NUBPL: variants seen among roughly 807,000 people sequenced by gnomAD.
NUBPL encodes the protein iron-sulfur cluster transfer protein NUBPL.
A neutral mutation model predicts 45.7 loss-of-function variants in NUBPL; 31 were observed. The observed-to-expected ratio is 0.68, with a 90% CI of 0.51 to 0.92. NUBPL has a LOEUF of 0.92. Ranked by LOEUF, NUBPL falls within the 40% of genes least tolerant of loss-of-function variation. The pLI, the probability that NUBPL is intolerant of heterozygous loss-of-function variation, is 0.00. For missense variants in NUBPL, 401 were observed against 398.7 expected (o/e 1.01, Z -0.05); for synonymous variants, 144 against 140.9 (o/e 1.02, Z -0.15).
chr14:31,799,484 C>T (rs931909316), intron 7 of NUBPL, among the ~76,000 whole-genome samples: 6 of 152,080 alleles, frequency 3.9e-5, no homozygotes, highest in Admixed American at 3.9e-4. Context: ...GGATAACAAC[C>T]TCATTACAGG....
At chr14:31,841,917 CTTTTTTTTTTTTTTTT>C (rs547795007) in intron 8 of NUBPL, among the ~76,000 whole-genome samples, 61 of 43,054 alleles carry the variant, frequency 1.4e-3, no homozygotes, top group African/African-American at 5.0e-3. Context: ...CGATTCTGGG[CTTTTTTTTTTTTTTTT>C]TTTTTTTTTT....
intron 6 of NUBPL, among the ~76,000 whole-genome samples, chr14:31,755,124 A>G (rs1485881795): frequency 1.3e-5 from 2 of 151,614 alleles, no homozygotes; most frequent in South Asian, 2.1e-4. Flanking sequence ...TTGGTTCCAA[A>G]TCTTTGCTAT....
intron 7 of NUBPL, among the ~76,000 whole-genome samples, chr14:31,802,693 A>T (rs1472524445): frequency 6.6e-6 from 1 of 152,174 alleles, no homozygotes; most frequent in Non-Finnish European, 1.5e-5. Flanking sequence ...TATTTTCCTT[A>T]TAAATTAATT....
chr14:31,790,994 T>C (rs113719254), intron 7 of NUBPL, among the ~76,000 whole-genome samples: 4 of 152,072 alleles, frequency 2.6e-5, no homozygotes, highest in Admixed American at 6.6e-5. Flanking sequence ...TAATGCCAGA[T>C]GTAGTGGCTC....
Position 31,787,661 on chromosome 14 carries a change from T to G in NUBPL, c.514-119T>G, listed in dbSNP as rs1159625977. The G allele has an allele frequency of 9.7e-6, 7 of 718,140 alleles. No homozygotes were observed. In the Admixed American group the frequency reaches 1.4e-4, roughly 15 times the overall value. The allele number at this position is 718,140 out of a possible 1,614,324, so 44.5% of individuals were successfully genotyped here. A position where few individuals can be genotyped will look rare whatever the true frequency, so the allele number is the denominator to read the frequency against. Reference sequence around the variant, plus strand: ...AGGACTCAGCACAGTGCCTTGTACCTAGCAATGGCTCAAGCGATAGCTATG... The same window carrying G: ...AGGACTCAGCACAGTGCCTTGTACCGAGCAATGGCTCAAGCGATAGCTATG... On this transcript the variant is annotated intron_variant, in intron 6 of 10. Transcript: ENST00000281081.
At chr14:31,822,896 G>C (rs1227008378) in intron 7 of NUBPL, among the ~76,000 whole-genome samples, 1 of 152,104 alleles carries the variant, frequency 6.6e-6, no homozygotes, top group African/African-American at 2.4e-5. Flanking sequence ...TTGTGCTACT[G>C]TGTTAGGGTT....
chr14:31,627,917 A>G (rs945298408), intron 4 of NUBPL, among the ~76,000 whole-genome samples: 2 of 152,234 alleles, frequency 1.3e-5, no homozygotes, highest in African/African-American at 4.8e-5. Context: ...AATGTGAATA[A>G]CATTTTAATG....
chr14:31,714,306 A>T (rs10137049), intron 6 of NUBPL, among the ~76,000 whole-genome samples: 5,523 of 152,238 alleles, frequency 0.036, 132 homozygotes, highest in African/African-American at 0.076. Context: ...GCCTTTGATG[A>T]TATCTCTGAG....
chr14:31,675,106 C>T (rs2036662779), intron 6 of NUBPL, among the ~76,000 whole-genome samples: 1 of 148,480 alleles, frequency 6.7e-6, no homozygotes, highest in Non-Finnish European at 1.5e-5. Context: ...CACTGCACTC[C>T]AGCCTGGGTG....
chr14:31,561,601 G>A, intron 1 of NUBPL, 54 bp downstream of exon 1: 1 of 1,144,456 alleles, frequency 8.7e-7, no homozygotes, highest in African/African-American at 1.6e-5. Context: ...TGGGCTGCAG[G>A]GCCGCAGATG....
chr14:31,816,695 C>T (rs1010119897), intron 7 of NUBPL, among the ~76,000 whole-genome samples: 1 of 152,164 alleles, frequency 6.6e-6, no homozygotes, highest in Non-Finnish European at 1.5e-5. Flanking sequence ...CTAAACACCA[C>T]TTTAGCTGTG....
intron 4 of NUBPL, among the ~76,000 whole-genome samples, chr14:31,652,835 G>T (rs2378934): frequency 0.16 from 25,032 of 152,016 alleles, 5,903 homozygotes; most frequent in African/African-American, 0.53. Context: ...ATTGTGTATC[G>T]GGGGAACTCA....
At chr14:31,834,250 G>A (rs1377979956) in intron 8 of NUBPL, among the ~76,000 whole-genome samples, 6 of 130,200 alleles carry the variant, frequency 4.6e-5, no homozygotes, top group South Asian at 2.4e-4. Flanking sequence ...GTGTAATCTT[G>A]GCTCACTGCA....
At chr14:31,605,729 T>TTTCTTC (rs375756486) in intron 4 of NUBPL, among the ~76,000 whole-genome samples, 6 of 151,768 alleles carry the variant, frequency 4.0e-5, no homozygotes, top group African/African-American at 7.3e-5. Context: ...TTCTTTCTTC[T>TTTCTTC]TTCTTCTTCT....
At chr14:31,631,559 AG>A (rs2035345032) in intron 4 of NUBPL, among the ~76,000 whole-genome samples, 1 of 152,076 alleles carries the variant, frequency 6.6e-6, no homozygotes, top group South Asian at 2.1e-4. Context: ...CTAAGTCCCA[AG>A]ATCTACATTC....
At chr14:31,591,447 C>T (rs1379085207) in intron 3 of NUBPL, among the ~76,000 whole-genome samples, 2 of 152,162 alleles carry the variant, frequency 1.3e-5, no homozygotes, top group African/African-American at 4.8e-5. Flanking sequence ...CAGGCATGAG[C>T]CACTGCGCCC....
intron 4 of NUBPL, among the ~76,000 whole-genome samples, chr14:31,652,314 T>A (rs902652339): frequency 6.6e-6 from 1 of 152,106 alleles, no homozygotes; most frequent in Non-Finnish European, 1.5e-5. Context: ...TGGGGAGATA[T>A]TGGCCAAAGG....
At chr14:31,643,495 A>C (rs969261924) in intron 4 of NUBPL, among the ~76,000 whole-genome samples, 3 of 152,122 alleles carry the variant, frequency 2.0e-5, no homozygotes, top group African/African-American at 7.3e-5. Flanking sequence ...CCCTGGGATG[A>C]ATCCCACTTA....
At chr14:31,828,189 A>G (rs1048344681) in intron 8 of NUBPL, among the ~76,000 whole-genome samples, 1 of 152,194 alleles carries the variant, frequency 6.6e-6, no homozygotes, top group Non-Finnish European at 1.5e-5. Flanking sequence ...TGCCTGCCTC[A>G]CACCGAAAAC....
Sources: gnomAD v4.1 joint callset for allele counts (sites outside exome capture counted in the v4.1 genomes callset) on GRCh38, gnomAD v4.1.1 for gene constraint, MANE v1.5 for transcripts, NCBI Gene and HGNC (gene_info 2026-07-23, HGNC 2026-07-21) for gene names.